The following LMNB1 variants were observed in gnomAD, a reference collection of about 807,000 sequenced individuals.
LMNB1 encodes the protein lamin-B1.
A neutral mutation model predicts 67.1 loss-of-function variants in LMNB1; 23 were observed. That is an observed-to-expected ratio of 0.34 (90% CI 0.25 to 0.49). The LOEUF is 0.49. LMNB1 is among the 20% of genes least tolerant of loss of function. The pLI, the probability that LMNB1 is intolerant of heterozygous loss-of-function variation, is 0.99. For synonymous variants in LMNB1, 281 were observed against 282.9 expected, an observed-to-expected ratio of 0.99 and a Z score of 0.07; for missense variants, 634 against 746.5, an observed-to-expected ratio of 0.85 and a Z score of 1.76.
At chr5:126,819,536 C>A (rs1368890365) in intron 6 of LMNB1, among the ~76,000 whole-genome samples, 1 of 151,596 alleles carries the variant, frequency 6.6e-6, no homozygotes, top group African/African-American at 2.4e-5. Flanking sequence ...GTTGCCCAGG[C>A]TAGAGTGCAG....
Position 126,826,101 on chromosome 5 carries a change from G to C in LMNB1, c.1605G>C (p.Gln535His), listed in dbSNP as rs1751993746. 1 of 1,612,132 alleles carries C rather than the reference G, an allele frequency of 6.2e-7. No individual in the cohort carries two copies. The highest frequency in any genetic ancestry group is 1.7e-5 in the Admixed American group (1 of 59,936). ...EDVKVILKNS[Q>H]GEEVAQRSTV... The stretch of plus-strand genomic sequence containing the variant: ...TGAAGGTTATATTGAAAAATTCTCA[G>C]GGAGAGGTATGGCCAGTTTATCAGG... The change falls in exon 9 of 11, where the codon CAG becomes CAC. Residue 535 changes from glutamine to histidine, a missense_variant. Physicochemically the swap from Gln to His is conservative, Grantham distance 24. Coordinates refer to ENST00000261366, the MANE Select transcript of LMNB1 (RefSeq NM_005573.4).
intron 5 of LMNB1, among the ~76,000 whole-genome samples, chr5:126,816,829 A>C (rs1032342073): frequency 6.6e-6 from 1 of 152,200 alleles, no homozygotes; most frequent in African/African-American, 2.4e-5. Context: ...CAGGGATTGC[A>C]CGTATGTGAT....
intron 4 of LMNB1, among the ~76,000 whole-genome samples, chr5:126,811,420 A>G (rs1228452163): frequency 6.6e-6 from 1 of 152,098 alleles, no homozygotes; most frequent in Non-Finnish European, 1.5e-5. Context: ...GGGATATGTG[A>G]TGTTTCTTTT....
At chr5:126,811,940 A>G (rs538296848) in intron 5 of LMNB1, 42 bp downstream of exon 5, 29 of 1,584,624 alleles carry the variant, frequency 1.8e-5, no homozygotes, top group East Asian at 1.6e-4. Flanking sequence ...CTTGAAGGCT[A>G]CCTTCACCAC....
intron 5 of LMNB1, among the ~76,000 whole-genome samples, chr5:126,818,175 C>G (rs893347797): frequency 2.0e-5 from 3 of 151,888 alleles, no homozygotes; most frequent in Non-Finnish European, 2.9e-5. Flanking sequence ...GAATATTCCT[C>G]AGCAGTCTGC....
At chr5:126,787,422 GTA>G (rs943328058) in intron 1 of LMNB1, among the ~76,000 whole-genome samples, 1 of 108,914 alleles carries the variant, frequency 9.2e-6, no homozygotes, top group Non-Finnish European at 2.1e-5. Flanking sequence ...GTATGTGTGT[GTA>G]TATATACATC....
chr5:126,786,019 T>C (rs1217982475), intron 1 of LMNB1, among the ~76,000 whole-genome samples: 3 of 141,164 alleles, frequency 2.1e-5, no homozygotes, highest in Non-Finnish European at 3.1e-5. Flanking sequence ...CTTTGGGGGG[T>C]GGGGGAAAAG....
intron 5 of LMNB1, among the ~76,000 whole-genome samples, chr5:126,816,685 T>A (rs1467955495): frequency 2.0e-5 from 3 of 152,218 alleles, no homozygotes; most frequent in Admixed American, 1.3e-4. Flanking sequence ...TTTCCTTGTT[T>A]TTTATGAGCT....
At chr5:126,795,255 A>G (rs1250625664) in intron 1 of LMNB1, among the ~76,000 whole-genome samples, 1 of 150,856 alleles carries the variant, frequency 6.6e-6, no homozygotes, top group East Asian at 1.9e-4. Context: ...CTCCCATCTC[A>G]GTCTCTCTAG....
intron 1 of LMNB1, among the ~76,000 whole-genome samples, chr5:126,792,450 C>T (rs1561738282): frequency 6.6e-6 from 1 of 151,466 alleles, no homozygotes; most frequent in Non-Finnish European, 1.5e-5. Context: ...TTGGTACTTT[C>T]TCTTATCTTT....
intron 1 of LMNB1, among the ~76,000 whole-genome samples, chr5:126,798,491 A>T (rs2112945303): frequency 6.6e-6 from 1 of 152,278 alleles, no homozygotes; most frequent in East Asian, 1.9e-4. Flanking sequence ...TCATTGATTT[A>T]TTGCTATTGT....
intron 9 of LMNB1, among the ~76,000 whole-genome samples, chr5:126,829,878 G>A (rs1344569406): frequency 1.3e-5 from 2 of 152,116 alleles, no homozygotes; most frequent in African/African-American, 4.8e-5. Flanking sequence ...TAAACCTAGG[G>A]GCTCTTATTC....
intron 9 of LMNB1, among the ~76,000 whole-genome samples, chr5:126,832,491 G>C (rs1752158666): frequency 6.6e-6 from 1 of 151,950 alleles, no homozygotes; most frequent in African/African-American, 2.4e-5. Flanking sequence ...GTAGAGACGG[G>C]GTTTCACCAT....
At chr5:126,793,648 G>C (rs1478127061) in intron 1 of LMNB1, among the ~76,000 whole-genome samples, 1 of 152,206 alleles carries the variant, frequency 6.6e-6, no homozygotes, top group Non-Finnish European at 1.5e-5. Flanking sequence ...GCCGAGGCAG[G>C]TGGATCTCCT....
At chr5:126,796,222 C>T (rs1751088317) in intron 1 of LMNB1, among the ~76,000 whole-genome samples, 1 of 152,078 alleles carries the variant, frequency 6.6e-6, no homozygotes, top group Non-Finnish European at 1.5e-5. Flanking sequence ...AGCTACCGTG[C>T]CCGGCCCTGG....
chr5:126,817,597 C>G (rs933461054), intron 5 of LMNB1, among the ~76,000 whole-genome samples: 7 of 152,060 alleles, frequency 4.6e-5, no homozygotes, highest in Non-Finnish European at 4.4e-5. Context: ...TCTGACATAC[C>G]TGTATCTTTT....
At chr5:126,832,231 G>A (rs1752151848) in intron 9 of LMNB1, among the ~76,000 whole-genome samples, 1 of 152,204 alleles carries the variant, frequency 6.6e-6, no homozygotes, top group African/African-American at 2.4e-5. Flanking sequence ...TCATGCCACT[G>A]CACACCAGCC....
chr5:126,811,542 A>G (rs1561747405), intron 4 of LMNB1, among the ~76,000 whole-genome samples: 2 of 152,170 alleles, frequency 1.3e-5, no homozygotes, highest in Non-Finnish European at 2.9e-5. Context: ...AGCTTTGGGT[A>G]AAGGCCTAGG....
intron 1 of LMNB1, among the ~76,000 whole-genome samples, chr5:126,779,594 A>G (rs944163016): frequency 6.6e-6 from 1 of 152,318 alleles, no homozygotes; most frequent in Non-Finnish European, 1.5e-5. Flanking sequence ...GATGGGTTTC[A>G]TAGATATTAA....
Sources: gnomAD v4.1 joint callset for allele counts (sites outside exome capture counted in the v4.1 genomes callset) on GRCh38, gnomAD v4.1.1 for gene constraint, MANE v1.5 for transcripts, NCBI Gene and HGNC (gene_info 2026-07-23, HGNC 2026-07-21) for gene names.